KCNH3: variants seen among roughly 807,000 people sequenced by gnomAD.
KCNH3 encodes voltage-gated inwardly rectifying potassium channel KCNH3.
KCNH3 carries 36 observed loss-of-function variants against 95.6 expected under a neutral mutation model. The ratio of observed to expected loss-of-function variants is 0.38; its 90% CI spans 0.29 to 0.50. The LOEUF is 0.50. KCNH3 is among the 20% of genes least tolerant of loss of function. KCNH3 has a pLI of 0.95. For missense variants in KCNH3, 1,030 were observed against 1,484.1 expected, an observed-to-expected ratio of 0.69 and a Z score of 5.03; for synonymous variants, 620 against 646.3, an observed-to-expected ratio of 0.96 and a Z score of 0.62.
At chr12:49,544,603 G>A (rs1400744982) in intron 7 of KCNH3, among the ~76,000 whole-genome samples, 10 of 152,214 alleles carry the variant, frequency 6.6e-5, no homozygotes, top group African/African-American at 9.6e-5. Context: ...AGTCCCAGTC[G>A]CCCATCCAGG....
In KCNH3 at chr12:49,557,437, C is replaced by T. The variant is rs768092795; in HGVS notation, c.2736C>T (p.Pro912=). 5 of 1,607,796 alleles carry T rather than the reference C, an allele frequency of 3.1e-6. No homozygotes were observed. In the South Asian group the frequency reaches 4.4e-5, roughly 14 times the overall value. Residue 912 remains proline, a synonymous_variant, in exon 15 of 15, where the codon CCC becomes CCT. Coordinates refer to ENST00000257981, the MANE Select transcript of KCNH3 (RefSeq NM_012284.3). ...LRQAVQLVLA[P]HREGPCPRAS... ...AGGCTGTGCAGCTTGTCCTGGCGCC[C>T]CACAGGGAGGGTCCGTGCCCTCGGG...
At chr12:49,543,855 C>T in intron 5 of KCNH3, 60 bp from the exon 6 acceptor site, 1 of 1,562,700 alleles carries the variant, frequency 6.4e-7, no homozygotes. Context: ...GAGCAGGTGT[C>T]CAGGCAAGAG....
chr12:49,556,252 C>T, intron 12 of KCNH3, 118 bp from the exon 13 acceptor site: 2 of 765,838 alleles, frequency 2.6e-6, no homozygotes, highest in Non-Finnish European at 4.6e-6. Flanking sequence ...CTCCTGGGCT[C>T]CTGGTCAGTT....
At chr12:49,556,016 C>A in intron 12 of KCNH3, 65 bp downstream of exon 12, 1 of 784,784 alleles carries the variant, frequency 1.3e-6, no homozygotes, top group Non-Finnish European at 2.1e-6. Flanking sequence ...TGGGCAGGCG[C>A]ACCCTGCCCT....
chr12:49,550,047 A>G, intron 9 of KCNH3, 33 bp from the exon 10 acceptor site: 2 of 539,782 alleles, frequency 3.7e-6, no homozygotes, highest in Non-Finnish European at 3.0e-6. Flanking sequence ...TGCCACTCCC[A>G]ACCCCCCCAC....
Position 49,555,641 on chromosome 12 carries a change from G to A in KCNH3, c.2158G>A (p.Gly720Ser). The A allele has an allele frequency of 1.3e-6, 2 of 1,551,940 alleles. No individual in the cohort carries two copies. The highest frequency in any genetic ancestry group is 1.7e-6 in the Non-Finnish European group (2 of 1,144,662). The change falls in exon 12 of 15, where the codon GGC becomes AGC. Residue 720 changes from glycine to serine, a missense_variant. Physicochemically the swap from Gly to Ser is moderately conservative, Grantham distance 56 (BLOSUM62 0). Around this residue, in one of 9 missense-constraint regions of KCNH3, gnomAD observed 464 missense variants for 493.2 expected, o/e 0.94. Transcript: ENST00000257981. The part of the protein sequence containing the change: ...SAEVDTSSLS[G>S]DNTLMSTLEE... ...CTAGGTGGACACCAGCTCCCTGAGC[G>A]GCGACAATACCCTTATGTCCACGCT...
intron 11 of KCNH3, among the ~76,000 whole-genome samples, chr12:49,555,042 T>A (rs1938386083): frequency 6.6e-6 from 1 of 152,116 alleles, no homozygotes; most frequent in Admixed American, 6.5e-5. Context: ...TTAATTAGGC[T>A]GAGGGACCTG....
At chr12:49,540,257 A>G (rs1203569862) in intron 1 of KCNH3, among the ~76,000 whole-genome samples, 1 of 152,116 alleles carries the variant, frequency 6.6e-6, no homozygotes, top group Non-Finnish European at 1.5e-5. Context: ...GGGCTCCTCC[A>G]TCTGCTTTGC....
chr12:49,554,395 T>C lies in KCNH3; in HGVS notation c.1977T>C (p.Asn659=), dbSNP rs140217743. The C allele has an allele frequency of 2.2e-5, 35 of 1,613,334 alleles. No homozygotes were observed. The East Asian group carries it at 2.9e-4, about 13-fold the overall frequency. The part of the protein sequence containing the change: ...LPRREQVVKA[N]ADVKGLTYCV... ...GGCGGGAGCAGGTGGTAAAGGCCAATGCCGACGTGAAGGGGCTGACGTACT... is the reference window on the plus strand; with the variant it reads ...GGCGGGAGCAGGTGGTAAAGGCCAACGCCGACGTGAAGGGGCTGACGTACT... The change falls in exon 11 of 15, where the codon AAT becomes AAC. Residue 659 remains asparagine, a synonymous_variant. Transcript: ENST00000257981.
intron 6 of KCNH3, 30 bp from the exon 7 acceptor site, chr12:49,544,145 T>TTCCCCCCCCCCCCCCCCC: frequency 2.4e-6 from 2 of 818,374 alleles, no homozygotes; most frequent in Admixed American, 1.9e-5. Flanking sequence ...CTGACCTCCC[T>TTCCCCCCCCCCCCCCCCC]CCCTCCCTCC....
rs144924424 is a variant in KCNH3, at chr12:49,542,835, A to G, written c.575A>G (p.Asn192Ser). The change falls in exon 4 of 15, where the codon AAT (asparagine) becomes AGT (serine). Residue 192 changes from asparagine (N) to serine (S), a missense_variant. Coordinates refer to ENST00000257981, the MANE Select transcript of KCNH3 (RefSeq NM_012284.3). ...QKQPKGKHKL[N>S]KGVFGEKPNL... Reference sequence around the variant, plus strand: ...CAGCCCAAGGGCAAGCACAAGCTCAATAAGGTGGGCTCAGCCCTGGGATGT... The same window carrying G: ...CAGCCCAAGGGCAAGCACAAGCTCAGTAAGGTGGGCTCAGCCCTGGGATGT... 4.0e-5 allele frequency: 64 copies of G among 1,607,322 alleles called. No homozygotes were observed. Among genetic ancestry groups the G allele is most frequent in the African/African-American group, 2.4e-4 (18 of 74,908 alleles).
At position 49,543,284 on chromosome 12, in the gene KCNH3, G is replaced by A; in HGVS notation, c.589G>A (p.Gly197Arg). The A allele has an allele frequency of 1.2e-6, 2 of 1,613,486 alleles. No homozygotes were observed. The highest frequency in any genetic ancestry group is 8.5e-7 in the Non-Finnish European group (1 of 1,180,014). The change falls in exon 5 of 15, where the codon GGG becomes AGG. Residue 197 changes from glycine to arginine, a missense_variant. Gly to Arg is a moderately radical substitution (Grantham distance 125). Coordinates refer to ENST00000257981, the MANE Select transcript of KCNH3 (RefSeq NM_012284.3). ...GCCCTGCCTCACTCAGGGGGTGTTT[G>A]GGGAGAAACCAAACTTGCCTGAGTA... is the stretch of plus-strand genomic sequence containing the variant. ...GKHKLNKGVFGEKPNLPEYKV... is the reference protein window; with the variant it reads ...GKHKLNKGVFREKPNLPEYKV...
chr12:49,541,168 C>T, intron 2 of KCNH3, 36 bp downstream of exon 2: 1 of 1,493,528 alleles, frequency 6.7e-7, no homozygotes. Flanking sequence ...CTCACCTTTG[C>T]AGTCTCACCC....
chr12:49,545,408 T>C (rs1247174908), intron 7 of KCNH3, among the ~76,000 whole-genome samples: 32 of 146,672 alleles, frequency 2.2e-4, no homozygotes, highest in African/African-American at 8.1e-4. Flanking sequence ...GGTGGCTTTT[T>C]TTTTTTTTTT....
chr12:49,547,901 G>A (rs1255160835), intron 7 of KCNH3, among the ~76,000 whole-genome samples: 2 of 152,036 alleles, frequency 1.3e-5, no homozygotes, highest in Admixed American at 6.6e-5. Flanking sequence ...CAGGACCTCT[G>A]TGGATCTTGG....
At position 49,544,216 on chromosome 12, in the gene KCNH3, C is replaced by T; in HGVS notation, c.1023C>T (p.Arg341=). 6.3e-7 allele frequency: 1 copy of T among 1,590,164 alleles called. No individual in the cohort carries two copies. Among genetic ancestry groups the T allele is most frequent in the Non-Finnish European group, 8.5e-7 (1 of 1,171,942 alleles). ...TGCTGAAGACGGTGCGCCTGCTGCG[C>T]CTGCTGCGCCTGCTTCCGCGGCTGG... ...AHLLKTVRLL[R]LLRLLPRLDR... is the part of the protein sequence containing the mutation. The change falls in exon 7 of 15, where the codon CGC becomes CGT. Residue 341 remains arginine, a synonymous_variant. Coordinates refer to ENST00000257981, the MANE Select transcript of KCNH3 (RefSeq NM_012284.3).
chr12:49,541,510 C>T, intron 2 of KCNH3, 120 bp from the exon 3 acceptor site: 1 of 1,206,408 alleles, frequency 8.3e-7, no homozygotes. Flanking sequence ...GCCAGCCCTT[C>T]CCCCAGGAAA....
At chr12:49,544,916 A>C in intron 7 of KCNH3, among the ~76,000 whole-genome samples, 2 of 149,246 alleles carry the variant, frequency 1.3e-5, no homozygotes, top group Admixed American at 6.7e-5. Flanking sequence ...CCTTCATGTC[A>C]CCTCCTCTCC....
At position 49,543,903 on chromosome 12, in the gene KCNH3, G is replaced by T. The variant is rs1044785166; in HGVS notation, c.824-12G>T. Reference sequence around the variant, plus strand: ...CAGCCCCAGTGCTGACTCCCACCCGGATTCCCCACAGACATTGTGCTGAAT... The same window carrying T: ...CAGCCCCAGTGCTGACTCCCACCCGTATTCCCCACAGACATTGTGCTGAAT... On this transcript the variant is annotated splice_polypyrimidine_tract_variant and intron_variant, in intron 5 of 14. Transcript: ENST00000257981. 7.5e-6 allele frequency: 12 copies of T among 1,600,250 alleles called. No homozygotes were observed. In the African/African-American group the frequency reaches 1.3e-4, roughly 18 times the overall value.
Sources: gnomAD v4.1 joint callset for allele counts (sites outside exome capture counted in the v4.1 genomes callset) on GRCh38, gnomAD v4.1.1 for gene constraint, gnomAD v4.1.1 regional missense constraint, MANE v1.5 for transcripts, NCBI Gene and HGNC (gene_info 2026-07-23, HGNC 2026-07-21) for gene names.